Variants in CARNMT1 observed in about 807,000 individuals in gnomAD.
CARNMT1 encodes protein-L-histidine N-pros-methyltransferase CARNMT1.
Under a neutral mutation model 49.6 loss-of-function variants are expected in CARNMT1, and 28 were observed. The observed-to-expected ratio is 0.56, with a 90% CI of 0.42 to 0.77. The LOEUF (loss-of-function observed/expected upper bound fraction) is 0.77, where lower values mean the gene tolerates loss of function less well. Ranked by LOEUF, CARNMT1 falls within the 30% of genes least tolerant of loss-of-function variation. The pLI is 0.00. For missense variants in CARNMT1, 421 were observed against 512.6 expected (o/e 0.82, Z 1.73); for synonymous variants, 178 against 175.0 (o/e 1.02, Z -0.13).
At chr9:75,017,066 AAACAAGTGAACAG>A (rs1833876313) in intron 2 of CARNMT1, 174 bp downstream of exon 2, 2 of 512,786 alleles carry the variant, frequency 3.9e-6, no homozygotes, top group Admixed American at 7.6e-5. Flanking sequence ...TAAAAAAGGA[AAACAAGTGAACAG>A]ATCCAGTCTC....
intron 5 of CARNMT1, among the ~76,000 whole-genome samples, chr9:74,997,017 C>T (rs1347520290): frequency 2.0e-5 from 3 of 152,184 alleles, no homozygotes; most frequent in Non-Finnish European, 4.4e-5. Flanking sequence ...TCAACATCTA[C>T]CACAACTTCG....
intron 3 of CARNMT1, among the ~76,000 whole-genome samples, chr9:75,012,828 G>C (rs1833738919): frequency 6.6e-6 from 1 of 151,440 alleles, no homozygotes; most frequent in Admixed American, 6.6e-5. Context: ...TGAGGCAGCA[G>C]AATGGCGTGA....
At chr9:74,993,722 T>TA (rs71368696) in intron 6 of CARNMT1, among the ~76,000 whole-genome samples, 38,336 of 151,802 alleles carry the variant, frequency 0.25, 5,038 homozygotes, top group East Asian at 0.38. Flanking sequence ...ACTGGAGTCT[T>TA]AGAGGCCAGG....
intron 1 of CARNMT1, among the ~76,000 whole-genome samples, chr9:75,020,016 T>C (rs1375637165): frequency 3.3e-5 from 5 of 152,116 alleles, no homozygotes; most frequent in East Asian, 1.9e-4. Context: ...AAACTAAATA[T>C]TATTTAGGGA....
Position 74,982,851 on chromosome 9 carries a change from T to G in CARNMT1, c.*916A>C, listed in dbSNP as rs922458964. 1 of 152,208 alleles carries G rather than the reference T, an allele frequency of 6.6e-6. No individual in the cohort carries two copies. Among genetic ancestry groups the G allele is most frequent in the Non-Finnish European group, 1.5e-5 (1 of 68,030 alleles). 9.4% of individuals were successfully genotyped at this position (152,208 alleles called of 1,614,324 possible). A position where few individuals can be genotyped will look rare whatever the true frequency, so the allele number is the denominator to read the frequency against. On this transcript the variant is annotated 3_prime_UTR_variant, in exon 8 of 8. Transcript: ENST00000376834. ...ACTACTTTTAATAAAGGCTTTTTAT[T>G]TCTCACTTTGAATGTTGAGATCTCG...
intron 3 of CARNMT1, among the ~76,000 whole-genome samples, chr9:75,012,703 G>C (rs1211892872): frequency 6.6e-6 from 1 of 151,910 alleles, no homozygotes. Flanking sequence ...CAAAGTTCAA[G>C]TTGTTACACT....
intron 3 of CARNMT1, among the ~76,000 whole-genome samples, chr9:75,015,380 T>C (rs1228893598): frequency 6.6e-6 from 1 of 152,206 alleles, no homozygotes; most frequent in Non-Finnish European, 1.5e-5. Context: ...TTTAAAGTGA[T>C]ATATGATTTA....
intron 3 of CARNMT1, among the ~76,000 whole-genome samples, chr9:75,010,601 G>A (rs570120383): frequency 2.6e-4 from 39 of 152,266 alleles, no homozygotes; most frequent in Non-Finnish European, 4.7e-4. Flanking sequence ...TAACATACAT[G>A]TAACTGGAAT....
chr9:74,999,010 GTTCA>G (rs1173671892), intron 4 of CARNMT1, among the ~76,000 whole-genome samples: 14 of 152,198 alleles, frequency 9.2e-5, no homozygotes, highest in African/African-American at 3.4e-4. Context: ...TAAATGTGCT[GTTCA>G]TTCAGATTTT....
intron 5 of CARNMT1, 30 bp from the exon 6 acceptor site, chr9:74,996,590 T>C: frequency 7.9e-7 from 1 of 1,261,006 alleles, no homozygotes; most frequent in Non-Finnish European, 1.1e-6. Flanking sequence ...TTACTGCATC[T>C]GTTATGTTAT....
intron 3 of CARNMT1, among the ~76,000 whole-genome samples, chr9:75,012,760 A>T (rs1191416663): frequency 1.3e-5 from 2 of 151,882 alleles, no homozygotes; most frequent in African/African-American, 4.8e-5. Context: ...AAAAATATAA[A>T]AAAAAAAATT....
At chr9:75,012,098 C>T (rs777211283) in intron 3 of CARNMT1, among the ~76,000 whole-genome samples, 5 of 152,148 alleles carry the variant, frequency 3.3e-5, no homozygotes, top group Non-Finnish European at 5.9e-5. Flanking sequence ...CTCCTGCACA[C>T]ATACCCGATG....
intron 6 of CARNMT1, among the ~76,000 whole-genome samples, chr9:74,986,818 T>C (rs1832857066): frequency 6.6e-6 from 1 of 152,232 alleles, no homozygotes; most frequent in Non-Finnish European, 1.5e-5. Context: ...AATGCTGTGT[T>C]GCATTGCTCA....
intron 1 of CARNMT1, among the ~76,000 whole-genome samples, chr9:75,020,267 CTTTTTT>C (rs200444980): frequency 2.4e-5 from 3 of 124,296 alleles, no homozygotes; most frequent in Non-Finnish European, 5.1e-5. Context: ...CATTTTTCTT[CTTTTTT>C]TTTTTTTTTT....
Position 75,027,084 on chromosome 9 carries a change from A to G in CARNMT1, c.230+928T>C, listed in dbSNP as rs953576696. On this transcript the variant is annotated intron_variant, in intron 1 of 7. Coordinates refer to ENST00000376834, the MANE Select transcript of CARNMT1 (RefSeq NM_152420.3). The stretch of plus-strand genomic sequence containing the variant: ...AGGAGGTCATGTCTGTCTGATTCCA[A>G]CTGCAGCCTCAGAACATAGTCACCG... The G allele has an allele frequency of 1.4e-5, 18 of 1,304,294 alleles. No homozygotes were observed. The East Asian group carries it at 3.3e-4, about 24-fold the overall frequency. 80.8% of individuals were successfully genotyped at this position (1,304,294 alleles called of 1,614,324 possible). A position where few individuals can be genotyped will look rare whatever the true frequency, so the allele number is the denominator to read the frequency against.
chr9:75,008,337 A>T (rs545651010), intron 3 of CARNMT1, among the ~76,000 whole-genome samples: 3 of 151,922 alleles, frequency 2.0e-5, no homozygotes, highest in East Asian at 1.9e-4. Flanking sequence ...ATCTTTATAA[A>T]TTTTTTTTTC....
At chr9:74,998,081 C>A (rs956939921) in intron 5 of CARNMT1, among the ~76,000 whole-genome samples, 3 of 152,138 alleles carry the variant, frequency 2.0e-5, no homozygotes, top group African/African-American at 7.2e-5. Flanking sequence ...AACTGTGCAG[C>A]CTGACTATAC....
In CARNMT1 at chr9:74,982,152, A is replaced by C. The variant is rs1337092307; in HGVS notation, c.*1615T>G. The stretch of plus-strand genomic sequence containing the variant: ...ACTGTACACGGAAAAGGTCCCCCCA[A>C]CTAGTAAGATGCCAAATAGGGTAGT... On this transcript the variant is annotated 3_prime_UTR_variant, in exon 8 of 8. Transcript: ENST00000376834. 2.0e-5 allele frequency: 3 copies of C among 152,180 alleles called. No individual in the cohort carries two copies. The highest frequency in any genetic ancestry group is 7.2e-5 in the African/African-American group (3 of 41,458). The allele number at this position is 152,180 out of a possible 1,614,324, so 9.4% of individuals were successfully genotyped here.
chr9:75,011,779 T>C, intron 3 of CARNMT1, among the ~76,000 whole-genome samples: 1 of 152,170 alleles, frequency 6.6e-6, no homozygotes, highest in Admixed American at 6.5e-5. Flanking sequence ...GTGGGTTGCC[T>C]CTAGGAGATG....
Sources: gnomAD v4.1 joint callset for allele counts (sites outside exome capture counted in the v4.1 genomes callset) on GRCh38, gnomAD v4.1.1 for gene constraint, MANE v1.5 for transcripts, NCBI Gene and HGNC (gene_info 2026-07-23, HGNC 2026-07-21) for gene names.